Variants in DPYSL5 observed in about 807,000 individuals in gnomAD.
The protein encoded by DPYSL5 is dihydropyrimidinase like 5.
In DPYSL5, 9 loss-of-function variants were observed where a neutral mutation model predicts 58.4. The ratio of observed to expected loss-of-function variants is 0.15; its 90% CI spans 0.09 to 0.27. The LOEUF is 0.27. Among genes scored for constraint, DPYSL5 ranks in the 10% least tolerant of loss-of-function variants. The probability of loss-of-function intolerance (pLI) is 1.00; values close to 1 mark genes in which losing one functional copy is unlikely to be tolerated. For missense variants in DPYSL5, 499 were observed against 770.6 expected (o/e 0.65, Z 4.17); for synonymous variants, 293 against 301.9 (o/e 0.97, Z 0.31).
chr2:26,886,095 T>C (rs1373667720), intron 1 of DPYSL5, among the ~76,000 whole-genome samples: 1 of 152,158 alleles, frequency 6.6e-6, no homozygotes, highest in African/African-American at 2.4e-5. Context: ...GCTCCCTCAT[T>C]AGCTAGACTT....
chr2:26,866,305 A>C (rs1367166070), intron 1 of DPYSL5, among the ~76,000 whole-genome samples: 1 of 152,178 alleles, frequency 6.6e-6, no homozygotes, highest in Admixed American at 6.5e-5. Context: ...AGTAAATTTG[A>C]CTGGGTGAGT....
intron 2 of DPYSL5, among the ~76,000 whole-genome samples, chr2:26,915,331 G>C (rs1664535785): frequency 6.6e-6 from 1 of 152,224 alleles, no homozygotes; most frequent in Non-Finnish European, 1.5e-5. Flanking sequence ...ATCCAGGTCT[G>C]TCAGGCTCCA....
At chr2:26,866,496 A>ACACG (rs397943866) in intron 1 of DPYSL5, among the ~76,000 whole-genome samples, 3 of 151,688 alleles carry the variant, frequency 2.0e-5, no homozygotes, top group African/African-American at 7.3e-5. Context: ...ACACACACAC[A>ACACG]ATGTTCATTG....
chr2:26,886,777 C>A (rs932096669), intron 1 of DPYSL5, among the ~76,000 whole-genome samples: 1 of 152,154 alleles, frequency 6.6e-6, no homozygotes, highest in Non-Finnish European at 1.5e-5. Flanking sequence ...CCCTGAGTGA[C>A]CCCAGGGTGC....
intron 11 of DPYSL5, among the ~76,000 whole-genome samples, chr2:26,943,745 A>T (rs1665386634): frequency 6.6e-6 from 1 of 152,212 alleles, no homozygotes; most frequent in Admixed American, 6.5e-5. Flanking sequence ...AGTAACTTGC[A>T]CAAAGCCACA....
At chr2:26,917,822 G>A (rs775702605) in intron 2 of DPYSL5, among the ~76,000 whole-genome samples, 1 of 152,094 alleles carries the variant, frequency 6.6e-6, no homozygotes, top group Non-Finnish European at 1.5e-5. Flanking sequence ...TTTCCAGATG[G>A]TGACAGCAGA....
intron 1 of DPYSL5, among the ~76,000 whole-genome samples, chr2:26,869,353 A>C (rs1027056348): frequency 6.6e-6 from 1 of 152,102 alleles, no homozygotes; most frequent in Non-Finnish European, 1.5e-5. Flanking sequence ...TTAAGTGTAT[A>C]ATTTGCCGAT....
intron 8 of DPYSL5, chr2:26,939,759 C>T (rs1012717062): frequency 3.2e-5 from 12 of 378,644 alleles, no homozygotes; most frequent in Admixed American, 8.1e-5. Flanking sequence ...CTTTTCTCTG[C>T]TATCTTCACT....
At chr2:26,894,795 A>C (rs958528628) in intron 1 of DPYSL5, among the ~76,000 whole-genome samples, 1 of 152,194 alleles carries the variant, frequency 6.6e-6, no homozygotes, top group Admixed American at 6.5e-5. Context: ...ACTTGCCTTC[A>C]GTCAGAGTTC....
At chr2:26,864,223 C>T (rs1249681595) in intron 1 of DPYSL5, among the ~76,000 whole-genome samples, 1 of 152,162 alleles carries the variant, frequency 6.6e-6, no homozygotes, top group Non-Finnish European at 1.5e-5. Flanking sequence ...CCAGCCTGGG[C>T]AATGAATCCA....
intron 2 of DPYSL5, among the ~76,000 whole-genome samples, chr2:26,911,909 C>A (rs1425837257): frequency 6.6e-6 from 1 of 152,212 alleles, no homozygotes; most frequent in Non-Finnish European, 1.5e-5. Context: ...GACTTAGTGG[C>A]CATCAAAGAA....
Position 26,858,762 on chromosome 2 carries a change from T to C in DPYSL5, c.-5+10508T>C, listed in dbSNP as rs1025515090. On this transcript the variant is annotated intron_variant, in intron 1 of 12. Coordinates refer to ENST00000288699, the MANE Select transcript of DPYSL5 (RefSeq NM_020134.4). ...TTTTTTTTTTTTTTTTCCGTAGAGA[T>C]AGGGTCTCCCTATGTTGCCCAGGCT... Among the ~76,000 whole-genome samples, 12 of 147,982 alleles carry C rather than the reference T, an allele frequency of 8.1e-5. No homozygotes were observed. In the Admixed American group the frequency reaches 8.2e-4, roughly 10 times the overall value.
At chr2:26,930,738 G>T (rs1226725270) in intron 5 of DPYSL5, among the ~76,000 whole-genome samples, 3 of 152,128 alleles carry the variant, frequency 2.0e-5, no homozygotes, top group African/African-American at 7.2e-5. Context: ...ACTTTGGGAG[G>T]CCAAGGCAGG....
At chr2:26,909,431 C>T (rs568529429) in intron 2 of DPYSL5, among the ~76,000 whole-genome samples, 23 of 152,124 alleles carry the variant, frequency 1.5e-4, no homozygotes, top group African/African-American at 4.1e-4. Context: ...TAGACTTAAA[C>T]GATCCACAGT....
chr2:26,881,159 C>T (rs1663550214), intron 1 of DPYSL5, among the ~76,000 whole-genome samples: 2 of 152,172 alleles, frequency 1.3e-5, no homozygotes, highest in African/African-American at 4.8e-5. Context: ...CACCTGTGCT[C>T]ACCCTGCGGC....
chr2:26,931,203 G>GTGTATATATATATATATATA (rs1474347605), intron 5 of DPYSL5, among the ~76,000 whole-genome samples: 21 of 44,910 alleles, frequency 4.7e-4, no homozygotes, highest in Non-Finnish European at 5.5e-4. Flanking sequence ...GTGTGTGTGT[G>GTGTATATATATATATATATA]TATATATATA....
At chr2:26,930,784 C>G (rs1363996870) in intron 5 of DPYSL5, among the ~76,000 whole-genome samples, 1 of 152,060 alleles carries the variant, frequency 6.6e-6, no homozygotes, top group Non-Finnish European at 1.5e-5. Flanking sequence ...ACCATCCTGG[C>G]TAACATGGTG....
intron 2 of DPYSL5, among the ~76,000 whole-genome samples, chr2:26,900,235 A>G (rs2148138270): frequency 6.6e-6 from 1 of 152,318 alleles, no homozygotes; most frequent in African/African-American, 2.4e-5. Flanking sequence ...CTGACTTCTA[A>G]TAGGATTTTT....
intron 1 of DPYSL5, among the ~76,000 whole-genome samples, chr2:26,885,735 A>G (rs1391968480): frequency 6.6e-6 from 1 of 152,176 alleles, no homozygotes; most frequent in East Asian, 1.9e-4. Flanking sequence ...GTCCCAGGCC[A>G]TTCAGGTTCT....
Sources: allele counts gnomAD v4.1 joint callset (sites outside exome capture counted in the v4.1 genomes callset), GRCh38; gene constraint gnomAD v4.1.1; transcripts MANE v1.5; gene names NCBI Gene and HGNC (gene_info 2026-07-23, HGNC 2026-07-21).